SLC23A3: variants seen among roughly 807,000 people sequenced by gnomAD.
SLC23A3 encodes solute carrier family 23 member 3, also known as E2-binding protein 3.
A neutral mutation model predicts 64.7 loss-of-function variants in SLC23A3; 41 were observed. The observed-to-expected ratio is 0.63, with a 90% CI of 0.49 to 0.82. The LOEUF (loss-of-function observed/expected upper bound fraction) is 0.82, where lower values mean the gene tolerates loss of function less well. SLC23A3 is among the 40% of genes least tolerant of loss of function. The probability of loss-of-function intolerance (pLI) is 0.00; values close to 1 mark genes in which losing one functional copy is unlikely to be tolerated. For missense variants in SLC23A3, 647 were observed against 733.4 expected (o/e 0.88, Z 1.36); for synonymous variants, 281 against 306.8 (o/e 0.92, Z 0.88).
In SLC23A3 at chr2:219,169,307, A is replaced by C. The variant is rs1413542629; in HGVS notation, c.418+2T>G. On this transcript the variant is annotated splice_donor_variant, in intron 3 of 11. Coordinates refer to ENST00000409878, the MANE Select transcript of SLC23A3 (RefSeq NM_001144889.2). LOFTEE classifies it high-confidence loss of function. This position sits in a 1 kb window ranked among gnomAD's most constrained non-coding sequence, Gnocchi z 4.5. ...TACCCCTTGCCCTTGCTCTGTGCTC[A>C]CAGTTTCCAGGTGTCTGGATGGCCC... 6.2e-7 allele frequency: 1 copy of C among 1,614,144 alleles called. No individual in the cohort carries two copies. The highest frequency in any genetic ancestry group is 2.2e-5 in the East Asian group (1 of 44,886).
Position 219,169,680 on chromosome 2 carries a change from T to C in SLC23A3, c.163-2A>G. 6.2e-7 allele frequency: 1 copy of C among 1,614,032 alleles called. No individual in the cohort carries two copies. Among genetic ancestry groups the C allele is most frequent in the Non-Finnish European group, 8.5e-7 (1 of 1,179,956 alleles). ...CAGAGAAGCCATGACCAAGACATGC[T>C]GCAGGTGGAGGAATGGGGAGGGCAG... On this transcript the variant is annotated splice_acceptor_variant, in intron 1 of 11. Coordinates refer to ENST00000409878, the MANE Select transcript of SLC23A3 (RefSeq NM_001144889.2). LOFTEE classifies it high-confidence loss of function. This position sits in a 1 kb window ranked among gnomAD's most constrained non-coding sequence, Gnocchi z 4.5.
rs1426585801 is a variant in SLC23A3 at position 219,169,111 on chromosome 2, A to G, written c.419-9T>C. 1.2e-6 allele frequency: 2 copies of G among 1,613,690 alleles called. No homozygotes were observed. Among genetic ancestry groups the G allele is most frequent in the Non-Finnish European group, 1.7e-6 (2 of 1,179,750 alleles). ...GTGCAGCATGAGGGAGGCTAGGAAA[A>G]GTTTGGGGCATGGAGAAGAGAAGGG... On this transcript the variant is annotated splice_polypyrimidine_tract_variant and intron_variant, in intron 3 of 11. Transcript: ENST00000409878. This position sits in a 1 kb window ranked among gnomAD's most constrained non-coding sequence, Gnocchi z 4.5.
chr2:219,169,510 G>T lies in SLC23A3; in HGVS notation c.320+11C>A. The T allele has an allele frequency of 6.2e-7, 1 of 1,614,062 alleles. No homozygotes were observed. Among genetic ancestry groups the T allele is most frequent in the Non-Finnish European group, 8.5e-7 (1 of 1,179,986 alleles). On this transcript the variant is annotated intron_variant, in intron 2 of 11. Transcript: ENST00000409878. The surrounding 1 kb of genome is among the most constrained non-coding windows in gnomAD (Gnocchi z 4.5). ...GGACTCTGCCCCTCTCTCCAGGGAG[G>T]TTCCTCTCACCTGCTGCCCATCCAA...
chr2:219,161,984 C>G lies in SLC23A3; in HGVS notation c.1758G>C (p.Glu586Asp), dbSNP rs1311587981. 2.5e-6 allele frequency: 4 copies of G among 1,612,414 alleles called. No individual in the cohort carries two copies. The highest frequency in any genetic ancestry group is 1.1e-5 in the South Asian group (1 of 90,984). Residue 586 changes from glutamate (E) to aspartate (D), a missense_variant, in exon 12 of 12, where the codon GAG (glutamate) becomes GAC (aspartate). Physicochemically the swap from Glu to Asp is conservative, Grantham distance 45. Transcript: ENST00000409878. ...DEEGGSSEPE[E>D]MADLLPGSGE... is the part of the protein sequence containing the mutation. The stretch of plus-strand genomic sequence containing the variant: ...CTGAGCCAGGCAGCAAGTCTGCCAT[C>G]TCTTCTGGCTCAGAGGAGCCTCCTT...
intron 7 of SLC23A3, 133 bp downstream of exon 7, chr2:219,167,797 C>A: frequency 5.6e-6 from 4 of 716,396 alleles, no homozygotes; most frequent in Non-Finnish European, 9.5e-6. Context: ...GTCTCTCAGA[C>A]TGATAATTTC....
chr2:219,167,392 T>C (rs1426853452), intron 7 of SLC23A3, among the ~76,000 whole-genome samples: 1 of 152,154 alleles, frequency 6.6e-6, no homozygotes, highest in Non-Finnish European at 1.5e-5. Context: ...GTTCATTGGG[T>C]AAGGAGTATT....
intron 10 of SLC23A3, 80 bp downstream of exon 10, chr2:219,163,308 T>A: frequency 7.2e-7 from 1 of 1,396,202 alleles, no homozygotes; most frequent in Non-Finnish European, 1.0e-6. Flanking sequence ...CAGAGAAGGC[T>A]GTGGGGCCAG....
rs202204638 is a variant in SLC23A3 at position 219,169,340 on chromosome 2, C to A, written c.387G>T (p.Lys129Asn). 6.2e-7 allele frequency: 1 copy of A among 1,614,224 alleles called. No individual in the cohort carries two copies. The highest frequency in any genetic ancestry group is 1.7e-5 in the Admixed American group (1 of 60,028). ...CAGGTGTCTGGATGGCCCGGGGTAG[C>A]TTCTGGCTGGTCAGCACCAGAGCAG... ...LIPALVLTSQKLPRAIQTPGN... is the reference protein window; with the variant it reads ...LIPALVLTSQNLPRAIQTPGN... Residue 129 changes from lysine to asparagine, a missense_variant, in exon 3 of 12, where the codon AAG becomes AAT. Physicochemically the swap from Lys to Asn is moderately conservative, Grantham distance 94 (BLOSUM62 0). Coordinates refer to ENST00000409878, the MANE Select transcript of SLC23A3 (RefSeq NM_001144889.2). This position sits in a 1 kb window ranked among gnomAD's most constrained non-coding sequence, Gnocchi z 4.5.
In SLC23A3 at chr2:219,163,267, A is replaced by G. The variant is rs140920051; in HGVS notation, c.1441+121T>C. On this transcript the variant is annotated intron_variant, in intron 10 of 11. Coordinates refer to ENST00000409878, the MANE Select transcript of SLC23A3 (RefSeq NM_001144889.2). ...CATAGTGCTCAATAAATATCTGTTA[A>G]ACAAATGGATGAAGTATTTACACCA... is the stretch of plus-strand genomic sequence containing the variant. 431 of 980,680 alleles carry G rather than the reference A, an allele frequency of 4.4e-4. 3 individuals are homozygous for G. The East Asian group carries it at 7.6e-3, about 17-fold the overall frequency. The allele number at this position is 980,680 out of a possible 1,614,324, so 60.7% of individuals were successfully genotyped here. A position where few individuals can be genotyped will look rare whatever the true frequency, so the allele number is the denominator to read the frequency against.
In SLC23A3 at chr2:219,161,879, A is replaced by C. The variant is rs947261433; in HGVS notation, c.*30T>G. On this transcript the variant is annotated 3_prime_UTR_variant, in exon 12 of 12. Transcript: ENST00000409878. Reference sequence around the variant, plus strand: ...CTCCAGCAGATGAGAGTTAGGGCTAAATTAACCAGGGCAGAAGTAGGCGTT... The same window carrying C: ...CTCCAGCAGATGAGAGTTAGGGCTACATTAACCAGGGCAGAAGTAGGCGTT... The C allele has an allele frequency of 3.9e-6, 6 of 1,519,830 alleles. No individual in the cohort carries two copies. The highest frequency in any genetic ancestry group is 5.3e-6 in the Non-Finnish European group (6 of 1,135,400). 94.1% of individuals were successfully genotyped at this position (1,519,830 alleles called of 1,614,324 possible).
At position 219,165,288 on chromosome 2, in the gene SLC23A3, G is replaced by T; in HGVS notation, c.1048C>A (p.His350Asn). 1 of 1,551,654 alleles carries T rather than the reference G, an allele frequency of 6.4e-7. No homozygotes were observed. The highest frequency in any genetic ancestry group is 2.4e-5 in the East Asian group (1 of 40,924). ...RLLHLPPPPP[H>N]ACSRGLSLEG... Reference sequence around the variant, plus strand: ...AGGCTCAGCCCTCGACTGCAGGCATGTGGAGGTGGGGGAGGCAAATGCAGC... The same window carrying T: ...AGGCTCAGCCCTCGACTGCAGGCATTTGGAGGTGGGGGAGGCAAATGCAGC... Residue 350 changes from histidine to asparagine, a missense_variant, in exon 8 of 12, where the codon CAT becomes AAT. Physicochemically the swap from His to Asn is moderately conservative, Grantham distance 68. Coordinates refer to ENST00000409878, the MANE Select transcript of SLC23A3 (RefSeq NM_001144889.2).
chr2:219,166,262 C>A lies in SLC23A3; in HGVS notation c.914-840G>T, dbSNP rs1381526716. On this transcript the variant is annotated intron_variant, in intron 7 of 11. Transcript: ENST00000409878. ...CCAGGCTGAAGTGCAGTAATGCAAT[C>A]ATAGCTCACTGCAGCCTCAATCTCT... is the stretch of plus-strand genomic sequence containing the variant. 3.3e-5 allele frequency among the ~76,000 whole-genome samples: 5 copies of A among 152,298 alleles called. No homozygotes were observed. The South Asian group carries it at 6.2e-4, about 19-fold the overall frequency.
chr2:219,163,933 C>G (rs1337465818), intron 9 of SLC23A3, among the ~76,000 whole-genome samples: 2 of 151,924 alleles, frequency 1.3e-5, no homozygotes, highest in Non-Finnish European at 2.9e-5. Context: ...AACTCCTGAC[C>G]TCAAGTGATC....
intron 7 of SLC23A3, among the ~76,000 whole-genome samples, chr2:219,166,372 C>T (rs750019101): frequency 1.1e-4 from 17 of 151,918 alleles, no homozygotes; most frequent in Non-Finnish European, 1.8e-4. Flanking sequence ...ATTTTTTATA[C>T]TGTTAATAGA....
intron 7 of SLC23A3, among the ~76,000 whole-genome samples, chr2:219,167,515 AT>A (rs887694065): frequency 1.7e-4 from 24 of 143,220 alleles, no homozygotes; most frequent in African/African-American, 6.3e-4. Flanking sequence ...TAATCCCAGC[AT>A]TTAATCAAGC....
chr2:219,163,760 T>A (rs1313583211), intron 9 of SLC23A3, among the ~76,000 whole-genome samples: 1 of 152,072 alleles, frequency 6.6e-6, no homozygotes, highest in Non-Finnish European at 1.5e-5. Context: ...AGTGGTGCAA[T>A]CTCGGCTCAC....
At position 219,162,028 on chromosome 2, in the gene SLC23A3, CAGGCAGTGGGCAG is replaced by C; in HGVS notation, c.1701_1713del (p.Cys568LysfsTer49). 6.2e-7 allele frequency: 1 copy of C among 1,614,164 alleles called. No homozygotes were observed. The highest frequency in any genetic ancestry group is 8.5e-7 in the Non-Finnish European group (1 of 1,180,008). ...CCTCCTTCCTCATCCCCAGGGTCTT[CAGGCAGTGGGCAG>C]AGGCAGTGGAGAGGCTGGGGGATGC... On this transcript the variant is annotated frameshift_variant, in exon 12 of 12. Coordinates refer to ENST00000409878, the MANE Select transcript of SLC23A3 (RefSeq NM_001144889.2). LOFTEE classifies it high-confidence loss of function.
At position 219,164,315 on chromosome 2, in the gene SLC23A3, G is replaced by T; in HGVS notation, c.1191C>A (p.His397Gln). ...LIQAGSQQVA[H>Q]LVGLLCVGLG... Reference sequence around the variant, plus strand: ...GCCCCACGCAGAGTAGCCCCACTAAGTGAGCCACTTGCTGAGATCCAGCCT... The same window carrying T: ...GCCCCACGCAGAGTAGCCCCACTAATTGAGCCACTTGCTGAGATCCAGCCT... Residue 397 changes from histidine to glutamine, a missense_variant, in exon 9 of 12, where the codon CAC becomes CAA. Physicochemically the swap from His to Gln is conservative, Grantham distance 24. Coordinates refer to ENST00000409878, the MANE Select transcript of SLC23A3 (RefSeq NM_001144889.2). 6.2e-7 allele frequency: 1 copy of T among 1,604,410 alleles called. No individual in the cohort carries two copies. The highest frequency in any genetic ancestry group is 8.5e-7 in the Non-Finnish European group (1 of 1,175,654).
chr2:219,169,238 C>T lies in SLC23A3; in HGVS notation c.418+71G>A, dbSNP rs779088263. The stretch of plus-strand genomic sequence containing the variant: ...ACCACTGCCCAATCTCAATTCTGCA[C>T]CCACCTACACCTGCATGCTCAGATG... On this transcript the variant is annotated intron_variant, in intron 3 of 11. Coordinates refer to ENST00000409878, the MANE Select transcript of SLC23A3 (RefSeq NM_001144889.2). The surrounding 1 kb of genome is among the most constrained non-coding windows in gnomAD (Gnocchi z 4.5). 3 of 1,612,888 alleles carry T rather than the reference C, an allele frequency of 1.9e-6. No homozygotes were observed. The highest frequency in any genetic ancestry group is 2.5e-6 in the Non-Finnish European group (3 of 1,179,526).
Sources: allele counts gnomAD v4.1 joint callset (sites outside exome capture counted in the v4.1 genomes callset), GRCh38; gene constraint gnomAD v4.1.1; non-coding constraint Gnocchi (gnomAD v3.1); transcripts MANE v1.5; gene names NCBI Gene and HGNC (gene_info 2026-07-23, HGNC 2026-07-21).